Variants in BABAM2 observed in about 807,000 individuals in gnomAD.
The protein encoded by BABAM2 is BRISC and BRCA1 A complex member 2.
A neutral mutation model predicts 54.7 loss-of-function variants in BABAM2; 31 were observed. The ratio of observed to expected loss-of-function variants is 0.57; its 90% CI spans 0.43 to 0.77. The LOEUF is 0.77. Ranked by LOEUF, BABAM2 falls within the 30% of genes least tolerant of loss-of-function variation. BABAM2 has a pLI of 0.00. For synonymous variants in BABAM2, 167 were observed against 162.9 expected, an observed-to-expected ratio of 1.03 and a Z score of -0.19; for missense variants, 364 against 455.8, an observed-to-expected ratio of 0.80 and a Z score of 1.83.
At chr2:28,224,523 A>T (rs570568190) in intron 7 of BABAM2, among the ~76,000 whole-genome samples, 1 of 152,116 alleles carries the variant, frequency 6.6e-6, no homozygotes. Flanking sequence ...AAATTGTGGG[A>T]TGCTTCGTAC....
At chr2:28,125,617 T>C (rs56115343) in intron 6 of BABAM2, among the ~76,000 whole-genome samples, 36,170 of 152,128 alleles carry the variant, frequency 0.24, 4,592 homozygotes, top group South Asian at 0.47. Flanking sequence ...TAGAAAATAA[T>C]CTGTCAAATT....
intron 10 of BABAM2, among the ~76,000 whole-genome samples, chr2:28,261,437 C>A (rs1012951914): frequency 1.3e-5 from 2 of 151,388 alleles, no homozygotes; most frequent in African/African-American, 4.9e-5. Flanking sequence ...TCATGGCATT[C>A]TCCTGCCTCA....
intron 6 of BABAM2, among the ~76,000 whole-genome samples, chr2:28,101,321 A>G (rs1302737359): frequency 1.3e-5 from 2 of 152,146 alleles, no homozygotes; most frequent in African/African-American, 4.8e-5. Flanking sequence ...CAACAGGGTT[A>G]TGGCTGCCGA....
At chr2:27,920,530 T>C (rs1429687308) in intron 2 of BABAM2, among the ~76,000 whole-genome samples, 1 of 152,226 alleles carries the variant, frequency 6.6e-6, no homozygotes, top group East Asian at 1.9e-4. Flanking sequence ...TAATTTACTG[T>C]AATATGTGAC....
intron 7 of BABAM2, among the ~76,000 whole-genome samples, chr2:28,192,026 TG>T (rs1479478364): frequency 6.6e-6 from 1 of 152,060 alleles, no homozygotes; most frequent in East Asian, 1.9e-4. Flanking sequence ...GGCAGGAGAT[TG>T]TTTTTTGGTT....
intron 6 of BABAM2, among the ~76,000 whole-genome samples, chr2:28,062,935 T>G (rs1227845134): frequency 6.6e-6 from 1 of 152,240 alleles, no homozygotes; most frequent in African/African-American, 2.4e-5. Flanking sequence ...AGCCACCCTG[T>G]AAGGTGGCAC....
At chr2:28,192,688 A>AT (rs552207355) in intron 7 of BABAM2, among the ~76,000 whole-genome samples, 66 of 150,970 alleles carry the variant, frequency 4.4e-4, no homozygotes, top group African/African-American at 1.5e-3. Flanking sequence ...CGGCCAGATA[A>AT]TTTTTTTGTA....
intron 7 of BABAM2, among the ~76,000 whole-genome samples, chr2:28,189,881 C>G (rs1417236035): frequency 6.6e-6 from 1 of 151,860 alleles, no homozygotes; most frequent in Non-Finnish European, 1.5e-5. Flanking sequence ...TACCTGATTT[C>G]AATACTTACT....
At chr2:28,157,131 T>C (rs1018726083) in intron 7 of BABAM2, among the ~76,000 whole-genome samples, 4 of 152,252 alleles carry the variant, frequency 2.6e-5, no homozygotes, top group Admixed American at 2.6e-4. Context: ...AAAATTTCTG[T>C]GTCTCTAATC....
At chr2:27,966,654 A>C (rs1670865811) in intron 3 of BABAM2, among the ~76,000 whole-genome samples, 1 of 152,124 alleles carries the variant, frequency 6.6e-6, no homozygotes. Flanking sequence ...ACCCCTCATC[A>C]GCTGTAACTC....
At chr2:28,156,574 CT>C (rs1160835992) in intron 7 of BABAM2, among the ~76,000 whole-genome samples, 2 of 152,006 alleles carry the variant, frequency 1.3e-5, no homozygotes, top group Non-Finnish European at 2.9e-5. Context: ...TATAAATAAG[CT>C]ATCAGGAGTT....
At chr2:28,310,060 T>A (rs775638473) in intron 11 of BABAM2, 5 of 1,611,148 alleles carry the variant, frequency 3.1e-6, no homozygotes, top group Non-Finnish European at 3.4e-6. Flanking sequence ...CTTAAAGGGA[T>A]TTGGTTTGTT....
At chr2:28,154,800 G>T (rs370636721) in intron 7 of BABAM2, among the ~76,000 whole-genome samples, 1 of 152,216 alleles carries the variant, frequency 6.6e-6, no homozygotes, top group Admixed American at 6.5e-5. Context: ...CTTCAAAATG[G>T]CTCAGAAAAT....
intron 7 of BABAM2, among the ~76,000 whole-genome samples, chr2:28,142,223 C>T (rs1435866694): frequency 6.6e-6 from 1 of 152,102 alleles, no homozygotes; most frequent in African/African-American, 2.4e-5. Flanking sequence ...AATTCAGACA[C>T]GCTGTCTTTC....
At chr2:27,984,371 C>T (rs1672241929) in intron 3 of BABAM2, among the ~76,000 whole-genome samples, 2 of 152,058 alleles carry the variant, frequency 1.3e-5, no homozygotes, top group African/African-American at 2.4e-5. Context: ...GTAATCAGGA[C>T]ATTCATATTA....
chr2:28,253,264 T>G (rs1363031706), intron 10 of BABAM2, among the ~76,000 whole-genome samples: 1 of 151,732 alleles, frequency 6.6e-6, no homozygotes, highest in East Asian at 1.9e-4. Flanking sequence ...TAGCCAGGTG[T>G]GGTGGCATGC....
chr2:28,286,530 C>T (rs1460314158), intron 10 of BABAM2, among the ~76,000 whole-genome samples: 1 of 152,202 alleles, frequency 6.6e-6, no homozygotes, highest in Non-Finnish European at 1.5e-5. Flanking sequence ...CGCATTCCCT[C>T]GCTGGGCCTC....
Position 28,045,896 on chromosome 2 carries a change from C to T in BABAM2, c.570+97C>T, listed in dbSNP as rs1677521114. ...ATGACTGGTTTGTCAGCATTTTGTT[C>T]AGATGATGAATTCTATTAAAAATAT... On this transcript the variant is annotated intron_variant, in intron 6 of 11. Transcript: ENST00000379624. 7.2e-6 allele frequency: 7 copies of T among 971,466 alleles called. No individual in the cohort carries two copies. The South Asian group carries it at 1.3e-4, about 17-fold the overall frequency. 60.2% of individuals were successfully genotyped at this position (971,466 alleles called of 1,614,324 possible).
intron 11 of BABAM2, among the ~76,000 whole-genome samples, chr2:28,311,220 C>T (rs1288826249): frequency 6.7e-5 from 10 of 149,946 alleles, no homozygotes; most frequent in Non-Finnish European, 1.5e-4. Context: ...GAGATCGCGC[C>T]ACTGCACTCC....
Sources: allele counts gnomAD v4.1 joint callset (sites outside exome capture counted in the v4.1 genomes callset), GRCh38; gene constraint gnomAD v4.1.1; transcripts MANE v1.5; gene names NCBI Gene and HGNC (gene_info 2026-07-23, HGNC 2026-07-21).